UHMK1: variants seen among roughly 807,000 people sequenced by gnomAD.
UHMK1 encodes the protein U2AF homology motif kinase 1, also known as serine/threonine-protein kinase Kist.
In UHMK1, 18 loss-of-function variants were observed where a neutral mutation model predicts 44.0. The observed-to-expected ratio is 0.41, with a 90% CI of 0.28 to 0.61. The LOEUF (loss-of-function observed/expected upper bound fraction) is 0.61, where lower values mean the gene tolerates loss of function less well. Among genes scored for constraint, UHMK1 ranks in the 20% least tolerant of loss-of-function variants. The pLI, the probability that UHMK1 is intolerant of heterozygous loss-of-function variation, is 0.31. For missense variants in UHMK1, 463 were observed against 522.5 expected, an observed-to-expected ratio of 0.89 and a Z score of 1.11; for synonymous variants, 231 against 198.5, an observed-to-expected ratio of 1.16 and a Z score of -1.38.
chr1:162,529,457 A>T lies in UHMK1; in HGVS notation c.*6907A>T, dbSNP rs1652368969. On this transcript the variant is annotated 3_prime_UTR_variant, in exon 8 of 8. Coordinates refer to ENST00000489294, the MANE Select transcript of UHMK1 (RefSeq NM_175866.5). ...AAGTGTGAACAATGCGTTTCAGTTG[A>T]CTGTATTGCATACTTTTTTGCTGAA... 1 of 152,164 alleles carries T rather than the reference A, an allele frequency of 6.6e-6. No homozygotes were observed. 9.4% of individuals were successfully genotyped at this position (152,164 alleles called of 1,614,324 possible).
chr1:162,514,508 CTAT>C (rs1360047792), intron 6 of UHMK1, among the ~76,000 whole-genome samples: 1 of 152,078 alleles, frequency 6.6e-6, no homozygotes, highest in Non-Finnish European at 1.5e-5. Flanking sequence ...CAAATATTAC[CTAT>C]TATTAACCAC....
At chr1:162,510,812 C>G (rs1651638679) in intron 4 of UHMK1, among the ~76,000 whole-genome samples, 1 of 151,966 alleles carries the variant, frequency 6.6e-6, no homozygotes, top group Non-Finnish European at 1.5e-5. Context: ...GATTTCATTT[C>G]CTTTGGATAT....
In UHMK1 at chr1:162,527,087, A is replaced by T. The variant is rs1017248877; in HGVS notation, c.*4537A>T. The T allele has an allele frequency of 6.6e-6, 1 of 152,098 alleles. No homozygotes were observed. Among genetic ancestry groups the T allele is most frequent in the African/African-American group, 2.4e-5 (1 of 41,450 alleles). The allele number at this position is 152,098 out of a possible 1,614,324, so 9.4% of individuals were successfully genotyped here. A position where few individuals can be genotyped will look rare whatever the true frequency, so the allele number is the denominator to read the frequency against. On this transcript the variant is annotated 3_prime_UTR_variant, in exon 8 of 8. Coordinates refer to ENST00000489294, the MANE Select transcript of UHMK1 (RefSeq NM_175866.5). ...AGAGCTGAGCCTCTTGTGGTATATT[A>T]AGATAAGTCCCATTCTTAATCACAG...
Position 162,528,344 on chromosome 1 carries a change from A to G in UHMK1, c.*5794A>G, listed in dbSNP as rs1652319643. The G allele has an allele frequency of 1.3e-5, 2 of 151,966 alleles. No homozygotes were observed. The highest frequency in any genetic ancestry group is 1.3e-4 in the Admixed American group (2 of 15,238). 9.4% of individuals were successfully genotyped at this position (151,966 alleles called of 1,614,324 possible). A position where few individuals can be genotyped will look rare whatever the true frequency, so the allele number is the denominator to read the frequency against. ...TTAATGAGCTAAAAAATGATACTTAAAGTTCCAGGTTTGGTACCGCTAGCA... is the reference window on the plus strand; with the variant it reads ...TTAATGAGCTAAAAAATGATACTTAGAGTTCCAGGTTTGGTACCGCTAGCA... On this transcript the variant is annotated 3_prime_UTR_variant, in exon 8 of 8. Transcript: ENST00000489294.
intron 3 of UHMK1, among the ~76,000 whole-genome samples, chr1:162,502,851 C>CATCT (rs1651325236): frequency 6.6e-6 from 1 of 152,142 alleles, no homozygotes; most frequent in Admixed American, 6.5e-5. Context: ...ATAATAATGG[C>CATCT]ATCTATCTCA....
chr1:162,518,337 A>G (rs1651913799), intron 7 of UHMK1, 147 bp downstream of exon 7: 1 of 579,628 alleles, frequency 1.7e-6, no homozygotes, highest in Non-Finnish European at 3.0e-6. Context: ...TCTGACTTGT[A>G]CTTTTTACTT....
Position 162,522,710 on chromosome 1 carries a change from A to G in UHMK1, c.*160A>G. On this transcript the variant is annotated 3_prime_UTR_variant, in exon 8 of 8. Transcript: ENST00000489294. ...ATTGCCCAAGCAGTGACTGCGTTGC[A>G]TACATTTGGCACTGAGTAGGACAAG... 1.2e-6 allele frequency: 1 copy of G among 823,154 alleles called. No homozygotes were observed. The highest frequency in any genetic ancestry group is 1.8e-6 in the Non-Finnish European group (1 of 543,684). 51.0% of individuals were successfully genotyped at this position (823,154 alleles called of 1,614,324 possible).
chr1:162,500,274 C>T (rs749703490), intron 2 of UHMK1, 27 bp downstream of exon 2: 49 of 1,592,590 alleles, frequency 3.1e-5, no homozygotes, highest in Admixed American at 6.9e-5. Context: ...TCTTTTCTCT[C>T]GCAGTTTAAA....
At chr1:162,506,696 C>T (rs1453416489) in intron 4 of UHMK1, among the ~76,000 whole-genome samples, 1 of 152,146 alleles carries the variant, frequency 6.6e-6, no homozygotes, top group Admixed American at 6.5e-5. Context: ...AACCCCGTCT[C>T]TACTAAAAAT....
At chr1:162,513,082 C>T (rs569497404) in intron 6 of UHMK1, 80 of 368,766 alleles carry the variant, frequency 2.2e-4, no homozygotes, top group Non-Finnish European at 3.6e-4. Flanking sequence ...GCTGAGATTA[C>T]AGGCATGTGC....
At position 162,500,132 on chromosome 1, in the gene UHMK1, TTCA is replaced by T; in HGVS notation, c.451_453del (p.His151del). 1 of 1,614,216 alleles carries T rather than the reference TTCA, an allele frequency of 6.2e-7. No individual in the cohort carries two copies. Among genetic ancestry groups the T allele is most frequent in the Non-Finnish European group, 8.5e-7 (1 of 1,180,046 alleles). On this transcript the variant is annotated inframe_deletion, in exon 2 of 8. Coordinates refer to ENST00000489294, the MANE Select transcript of UHMK1 (RefSeq NM_175866.5). ...GATGTTTTGGAGGCCCTTGCTTTTC[TTCA>T]TCATGAGGGCTATGTCCATGCGGAC... is the stretch of plus-strand genomic sequence containing the variant.
At position 162,526,702 on chromosome 1, in the gene UHMK1, G is replaced by A. The variant is rs1201845578; in HGVS notation, c.*4152G>A. 6.6e-6 allele frequency: 1 copy of A among 152,032 alleles called. No homozygotes were observed. Among genetic ancestry groups the A allele is most frequent in the Admixed American group, 6.5e-5 (1 of 15,268 alleles). 9.4% of individuals were successfully genotyped at this position (152,032 alleles called of 1,614,324 possible). On this transcript the variant is annotated 3_prime_UTR_variant, in exon 8 of 8. Transcript: ENST00000489294. ...TATATTCACTGTCTGCCTGGAAATA[G>A]CCTTGGTTTACCTTATTTTTTTGTA...
chr1:162,506,314 C>G (rs1651467141), intron 4 of UHMK1, among the ~76,000 whole-genome samples: 1 of 147,464 alleles, frequency 6.8e-6, no homozygotes, highest in South Asian at 2.2e-4. Flanking sequence ...AACCCACATT[C>G]TAGTGTTAGC....
Position 162,523,410 on chromosome 1 carries a change from A to G in UHMK1, c.*860A>G, listed in dbSNP as rs1652130277. On this transcript the variant is annotated 3_prime_UTR_variant, in exon 8 of 8. Transcript: ENST00000489294. The stretch of plus-strand genomic sequence containing the variant: ...CATAATTCCTGAGAGGCCCAGAACA[A>G]ACTGGAGTCTAGCCTGGAGTTAAAT... 1 of 152,656 alleles carries G rather than the reference A, an allele frequency of 6.6e-6. No individual in the cohort carries two copies. The highest frequency in any genetic ancestry group is 6.5e-5 in the Admixed American group (1 of 15,280). 9.5% of individuals were successfully genotyped at this position (152,656 alleles called of 1,614,324 possible).
chr1:162,503,907 CT>C (rs34841637), intron 4 of UHMK1, 59 bp downstream of exon 4: 57 of 1,280,260 alleles, frequency 4.5e-5, no homozygotes, highest in Middle Eastern at 1.8e-4. Flanking sequence ...AATGGTACGT[CT>C]TTTTTTTCTC....
chr1:162,502,451 TTTA>T (rs1005107015), intron 3 of UHMK1, among the ~76,000 whole-genome samples: 10 of 152,196 alleles, frequency 6.6e-5, no homozygotes, highest in African/African-American at 2.4e-4. Flanking sequence ...AGTATCATTC[TTTA>T]TTATTGATAT....
At chr1:162,517,223 C>T (rs748502281) in intron 6 of UHMK1, among the ~76,000 whole-genome samples, 24 of 152,128 alleles carry the variant, frequency 1.6e-4, no homozygotes, top group Non-Finnish European at 2.1e-4. Flanking sequence ...CACTTGAACC[C>T]GGGAGGTGGA....
At chr1:162,499,013 A>G (rs1401880215) in intron 1 of UHMK1, among the ~76,000 whole-genome samples, 1 of 152,114 alleles carries the variant, frequency 6.6e-6, no homozygotes, top group East Asian at 1.9e-4. Context: ...CTAGTGCTAC[A>G]TTTTTTTAGT....
intron 7 of UHMK1, among the ~76,000 whole-genome samples, chr1:162,522,177 A>G (rs539246819): frequency 6.6e-6 from 1 of 152,350 alleles, no homozygotes; most frequent in African/African-American, 2.4e-5. Context: ...GTTGTGAGGA[A>G]GTATTCTAAA....
Sources: gnomAD v4.1 joint callset for allele counts (sites outside exome capture counted in the v4.1 genomes callset) on GRCh38, gnomAD v4.1.1 for gene constraint, MANE v1.5 for transcripts, NCBI Gene and HGNC (gene_info 2026-07-23, HGNC 2026-07-21) for gene names.